The following MPDZ variants were observed in gnomAD, a reference collection of about 807,000 sequenced individuals.
The protein encoded by MPDZ is multiple PDZ domain protein.
Under a neutral mutation model 239.1 loss-of-function variants are expected in MPDZ, and 234 were observed. That is an observed-to-expected ratio of 0.98 (90% CI 0.88 to 1.09). The LOEUF is 1.09. Among genes scored for constraint, MPDZ ranks in the 50% least tolerant of loss-of-function variants. The pLI is 0.00. For missense variants in MPDZ, 3,175 were observed against 2,510.0 expected, an observed-to-expected ratio of 1.26 and a Z score of -5.66; for synonymous variants, 1,048 against 881.3, an observed-to-expected ratio of 1.19 and a Z score of -3.35.
intron 46 of MPDZ, 132 bp from the exon 47 acceptor site, chr9:13,107,243 G>T: frequency 2.1e-6 from 2 of 936,504 alleles, no homozygotes; most frequent in African/African-American, 1.6e-5. Flanking sequence ...CTCCATGGGT[G>T]CTCTAAGCCA....
At position 13,146,330 on chromosome 9, in the gene MPDZ, TGACA is replaced by T. The variant is rs1404208744; in HGVS notation, c.3741+1214_3741+1217del. ...GGCATAGAATATTGATAAGTTACTTTGACAGAGCTCATCTAAAGAGCTGTTGGTT... is the reference window on the plus strand; with the variant it reads ...GGCATAGAATATTGATAAGTTACTTTGAGCTCATCTAAAGAGCTGTTGGTT... On this transcript the variant is annotated intron_variant, in intron 26 of 46. Coordinates refer to ENST00000319217, the MANE Select transcript of MPDZ (RefSeq NM_001378778.1). 2.0e-5 allele frequency among the ~76,000 whole-genome samples: 3 copies of T among 152,064 alleles called. No individual in the cohort carries two copies. In the South Asian group the frequency reaches 6.2e-4, roughly 31 times the overall value.
At chr9:13,174,031 A>G (rs376242831) in intron 21 of MPDZ, among the ~76,000 whole-genome samples, 1 of 152,208 alleles carries the variant, frequency 6.6e-6, no homozygotes, top group African/African-American at 2.4e-5. Flanking sequence ...AACCAGTTTC[A>G]GTAATATTTC....
At chr9:13,168,221 A>G (rs953494270) in intron 22 of MPDZ, 145 bp downstream of exon 22, 4 of 765,478 alleles carry the variant, frequency 5.2e-6, no homozygotes, top group African/African-American at 1.8e-5. Flanking sequence ...GAACTACTCA[A>G]AAATAGTCAA....
At chr9:13,256,248 G>C (rs1054514532) in intron 1 of MPDZ, among the ~76,000 whole-genome samples, 4 of 152,200 alleles carry the variant, frequency 2.6e-5, no homozygotes, top group Non-Finnish European at 5.9e-5. Flanking sequence ...TTTGGCGTAA[G>C]GGAATGTTGT....
intron 19 of MPDZ, among the ~76,000 whole-genome samples, chr9:13,177,162 T>C (rs1952608333): frequency 6.6e-6 from 1 of 152,148 alleles, no homozygotes; most frequent in South Asian, 2.1e-4. Context: ...ACAGATATAT[T>C]GTATCACTTG....
At chr9:13,270,534 G>C (rs896906128) in intron 1 of MPDZ, among the ~76,000 whole-genome samples, 1 of 150,622 alleles carries the variant, frequency 6.6e-6, no homozygotes. Context: ...ATGGGTAAAA[G>C]ACATGGCATA....
chr9:13,243,428 A>AGTACTAAACCTTGAAGCTGTTTAGTACTT (rs1351302804), intron 3 of MPDZ, among the ~76,000 whole-genome samples: 1 of 151,796 alleles, frequency 6.6e-6, no homozygotes, highest in African/African-American at 2.4e-5. Flanking sequence ...TAGTAACCCA[A>AGTACTAAACCTTGAAGCTGTTTAGTACTT]GGTCCTTGGT....
intron 24 of MPDZ, among the ~76,000 whole-genome samples, chr9:13,157,541 T>A (rs1382102257): frequency 6.6e-6 from 1 of 152,140 alleles, no homozygotes; most frequent in Non-Finnish European, 1.5e-5. Context: ...TGTCATCTTA[T>A]CTATTATACA....
At chr9:13,217,550 C>T (rs1412110) in intron 8 of MPDZ, among the ~76,000 whole-genome samples, 9,869 of 151,726 alleles carry the variant, frequency 0.065, 538 homozygotes, top group East Asian at 0.29. Context: ...TTATTGTTTG[C>T]GTACAATAAA....
intron 25 of MPDZ, among the ~76,000 whole-genome samples, chr9:13,148,269 A>G (rs1948692242): frequency 6.6e-6 from 1 of 152,092 alleles, no homozygotes; most frequent in African/African-American, 2.4e-5. Flanking sequence ...GTTATTTTGT[A>G]AATTTTATTG....
intron 3 of MPDZ, among the ~76,000 whole-genome samples, chr9:13,230,467 T>C (rs1428242240): frequency 6.6e-6 from 1 of 152,112 alleles, no homozygotes; most frequent in Non-Finnish European, 1.5e-5. Context: ...TATTAATATA[T>C]GCAACTTCAA....
At chr9:13,275,363 G>C (rs967931427) in intron 1 of MPDZ, among the ~76,000 whole-genome samples, 1 of 152,156 alleles carries the variant, frequency 6.6e-6, no homozygotes, top group East Asian at 1.9e-4. Context: ...TGAAGAAACA[G>C]GGAGAACTCA....
chr9:13,161,573 C>CA (rs533435805), intron 23 of MPDZ, among the ~76,000 whole-genome samples: 1,643 of 146,884 alleles, frequency 0.011, 13 homozygotes, highest in Middle Eastern at 0.038. Context: ...AACTCCGTCT[C>CA]AAAAAAAAAA....
rs190116204 is a variant in MPDZ, at chr9:13,259,026, A to G, written c.-57-8654T>C. On this transcript the variant is annotated intron_variant, in intron 1 of 46. Coordinates refer to ENST00000319217, the MANE Select transcript of MPDZ (RefSeq NM_001378778.1). ...CTTGAACCCAGGAGGCAGAGGCTCA[A>G]TACAGCTCAATCCAATTTTATCTGA... 1.6e-3 allele frequency among the ~76,000 whole-genome samples: 237 copies of G among 150,798 alleles called. 1 individual carries two copies. Among genetic ancestry groups the G allele is most frequent in the Admixed American group, 2.8e-3 (42 of 15,120 alleles).
At chr9:13,208,749 C>T (rs1417834450) in intron 10 of MPDZ, among the ~76,000 whole-genome samples, 1 of 151,192 alleles carries the variant, frequency 6.6e-6, no homozygotes. Flanking sequence ...GTTATTTTTA[C>T]TAGAGGGAAT....
rs753981773 is a variant in MPDZ at position 13,113,975 on chromosome 9, G to T, written c.5513C>A (p.Ser1838Tyr). Reference sequence around the variant, plus strand: ...ACTTTCCAGTGACTCAGATGTACTGGATCCAGAGAGTGGAAAAGTGAAAGA... The same window carrying T: ...ACTTTCCAGTGACTCAGATGTACTGTATCCAGAGAGTGGAAAAGTGAAAGA... ...LSSFTFPLSG[S>Y]STSESLESSS... Residue 1838 changes from serine (S) to tyrosine (Y), a missense_variant, in exon 41 of 47, where the codon TCC becomes TAC. Transcript: ENST00000319217. 6.3e-7 allele frequency: 1 copy of T among 1,598,914 alleles called. No individual in the cohort carries two copies. Among genetic ancestry groups the T allele is most frequent in the South Asian group, 1.1e-5 (1 of 87,872 alleles).
chr9:13,222,141 T>C (rs1318259187), intron 6 of MPDZ, 92 bp downstream of exon 6: 1 of 991,844 alleles, frequency 1.0e-6, no homozygotes, highest in South Asian at 1.9e-5. Flanking sequence ...ACTCAAGAAG[T>C]GCAAAGACCC....
intron 3 of MPDZ, 27 bp downstream of exon 3, chr9:13,247,608 T>C: frequency 6.3e-7 from 1 of 1,590,672 alleles, no homozygotes; most frequent in Non-Finnish European, 8.6e-7. Flanking sequence ...ATGTCGTGAA[T>C]GCCTGCTTGG....
rs530243040 is a variant in MPDZ, at chr9:13,268,914, A to T, written c.-58+10486T>A. On this transcript the variant is annotated intron_variant, in intron 1 of 46. Transcript: ENST00000319217. ...TGGAGGGTACAGGGATTACAGGGATAGAGAAAATTTATTTTCTGATAAAAC... is the reference window on the plus strand; with the variant it reads ...TGGAGGGTACAGGGATTACAGGGATTGAGAAAATTTATTTTCTGATAAAAC... Among the ~76,000 whole-genome samples, 3 of 152,350 alleles carry T rather than the reference A, an allele frequency of 2.0e-5. No individual in the cohort carries two copies. The East Asian group carries it at 5.8e-4, about 29-fold the overall frequency.
Sources: gnomAD v4.1 joint callset for allele counts (sites outside exome capture counted in the v4.1 genomes callset) on GRCh38, gnomAD v4.1.1 for gene constraint, MANE v1.5 for transcripts, NCBI Gene and HGNC (gene_info 2026-07-23, HGNC 2026-07-21) for gene names.